NRXN1: variants seen among roughly 807,000 people sequenced by gnomAD.
NRXN1 encodes the protein neurexin 1, also known as neurexin-1.
In NRXN1, 39 loss-of-function variants were observed where a neutral mutation model predicts 150.9. The observed-to-expected ratio is 0.26, with a 90% CI of 0.20 to 0.34. The LOEUF is 0.34. Among genes scored for constraint, NRXN1 ranks in the 10% least tolerant of loss-of-function variants. NRXN1 has a pLI of 1.00. For missense variants in NRXN1, 1,815 were observed against 1,949.9 expected, an observed-to-expected ratio of 0.93 and a Z score of 1.30; for synonymous variants, 924 against 757.0, an observed-to-expected ratio of 1.22 and a Z score of -3.62.
At chr2:49,988,959 G>A (rs1681435650) in intron 21 of NRXN1, among the ~76,000 whole-genome samples, 1 of 152,136 alleles carries the variant, frequency 6.6e-6, no homozygotes, top group Non-Finnish European at 1.5e-5. Context: ...TCTACCACCT[G>A]TTCATATGCA....
At chr2:50,159,461 G>A (rs1558997966) in intron 18 of NRXN1, among the ~76,000 whole-genome samples, 1 of 152,062 alleles carries the variant, frequency 6.6e-6, no homozygotes, top group Non-Finnish European at 1.5e-5. Context: ...TCTGAAAATA[G>A]AAACCTATTT....
chr2:49,998,896 C>T (rs1216307266), intron 21 of NRXN1, among the ~76,000 whole-genome samples: 1 of 152,074 alleles, frequency 6.6e-6, no homozygotes, highest in Non-Finnish European at 1.5e-5. Context: ...TTACTACTGT[C>T]GTTGTAGTCA....
intron 5 of NRXN1, among the ~76,000 whole-genome samples, chr2:50,819,928 C>T (rs1170744471): frequency 6.6e-6 from 1 of 152,120 alleles, no homozygotes; most frequent in East Asian, 1.9e-4. Flanking sequence ...ATTGTATCAC[C>T]CTGACTTGTC....
intron 2 of NRXN1, among the ~76,000 whole-genome samples, chr2:51,003,378 C>T (rs574260674): frequency 1.8e-4 from 28 of 151,970 alleles, no homozygotes; most frequent in African/African-American, 4.1e-4. Flanking sequence ...TTTTCACATA[C>T]GATTCTAATT....
chr2:50,856,068 A>G (rs1362221136), intron 5 of NRXN1, among the ~76,000 whole-genome samples: 1 of 151,818 alleles, frequency 6.6e-6, no homozygotes, highest in East Asian at 1.9e-4. Context: ...GGTTTCTAAA[A>G]ATGCATTGCA....
intron 17 of NRXN1, among the ~76,000 whole-genome samples, chr2:50,401,561 G>A (rs768714210): frequency 6.6e-6 from 1 of 151,940 alleles, no homozygotes; most frequent in Non-Finnish European, 1.5e-5. Flanking sequence ...GGTACCCTAA[G>A]GGAAGACAGG....
chr2:50,360,532 G>C (rs2079116493), intron 17 of NRXN1, among the ~76,000 whole-genome samples: 1 of 152,176 alleles, frequency 6.6e-6, no homozygotes, highest in South Asian at 2.1e-4. Flanking sequence ...TTACGTAATG[G>C]TAAAGGAATC....
intron 17 of NRXN1, among the ~76,000 whole-genome samples, chr2:50,414,816 T>C (rs906302236): frequency 6.6e-6 from 1 of 152,162 alleles, no homozygotes; most frequent in Admixed American, 6.5e-5. Context: ...TTTTGTCATA[T>C]GAACGTTCGT....
At chr2:50,444,359 T>C (rs542252136) in intron 17 of NRXN1, among the ~76,000 whole-genome samples, 70 of 152,288 alleles carry the variant, frequency 4.6e-4, no homozygotes, top group Non-Finnish European at 7.9e-4. Flanking sequence ...TCCCTGGTTG[T>C]GATTAGCCTC....
chr2:50,540,606 A>C (rs2093366418), intron 9 of NRXN1, among the ~76,000 whole-genome samples: 1 of 152,090 alleles, frequency 6.6e-6, no homozygotes, highest in South Asian at 2.1e-4. Context: ...ACACTTTAAA[A>C]AGCACATATT....
At chr2:50,872,860 T>G (rs1677996013) in intron 5 of NRXN1, among the ~76,000 whole-genome samples, 2 of 151,700 alleles carry the variant, frequency 1.3e-5, no homozygotes, top group Non-Finnish European at 2.9e-5. Flanking sequence ...CCTAGCTACA[T>G]GTAGTGAAGA....
intron 17 of NRXN1, among the ~76,000 whole-genome samples, chr2:50,447,734 A>G (rs2086559521): frequency 1.7e-5 from 1 of 58,902 alleles, no homozygotes; most frequent in African/African-American, 1.4e-4. Context: ...AAGCAGGGGA[A>G]CGTTATATAT....
intron 17 of NRXN1, among the ~76,000 whole-genome samples, chr2:50,272,670 T>A (rs1451062437): frequency 6.6e-6 from 1 of 152,088 alleles, no homozygotes; most frequent in East Asian, 1.9e-4. Context: ...CTCCAACAGT[T>A]AATTCTTCCT....
At chr2:51,015,131 A>C (rs1318264567) in intron 2 of NRXN1, among the ~76,000 whole-genome samples, 2 of 151,950 alleles carry the variant, frequency 1.3e-5, no homozygotes, top group Non-Finnish European at 2.9e-5. Context: ...AACAGTTCTC[A>C]ATGTCCTCAT....
chr2:50,014,167 T>C lies in NRXN1; in HGVS notation c.4128+39104A>G, dbSNP rs188008054. Among the ~76,000 whole-genome samples, 60 of 151,872 alleles carry C rather than the reference T, an allele frequency of 4.0e-4. 1 individual carries two copies. The East Asian group carries it at 6.0e-3, about 15-fold the overall frequency. ...AGAGAGGGGATTATAGCAGAGCGAA[T>C]AGTGTTGAAGTCTTGGTGGGGACAT... On this transcript the variant is annotated intron_variant, in intron 21 of 22. Coordinates refer to ENST00000401669, the MANE Select transcript of NRXN1 (RefSeq NM_001330078.2).
intron 17 of NRXN1, among the ~76,000 whole-genome samples, chr2:50,439,573 G>A (rs1219269664): frequency 3.3e-5 from 5 of 152,230 alleles, no homozygotes; most frequent in South Asian, 2.1e-4. Flanking sequence ...CTGGGAGGCC[G>A]AGGCGGGTGG....
intron 18 of NRXN1, among the ~76,000 whole-genome samples, chr2:50,131,920 G>A (rs1705560801): frequency 6.6e-6 from 1 of 152,066 alleles, no homozygotes; most frequent in South Asian, 2.1e-4. Flanking sequence ...CAGCTCTATT[G>A]AACAAGTATG....
At chr2:50,864,793 T>C (rs186379241) in intron 5 of NRXN1, among the ~76,000 whole-genome samples, 1 of 152,112 alleles carries the variant, frequency 6.6e-6, no homozygotes, top group East Asian at 1.9e-4. Flanking sequence ...TGGTTTTTGA[T>C]GAGTGCACTG....
chr2:49,948,799 T>C (rs1209924124), intron 21 of NRXN1, among the ~76,000 whole-genome samples: 2 of 151,948 alleles, frequency 1.3e-5, no homozygotes, highest in Non-Finnish European at 2.9e-5. Context: ...CCCTGATGTT[T>C]ATAACCTTTT....
Sources: gnomAD v4.1 joint callset for allele counts (sites outside exome capture counted in the v4.1 genomes callset) on GRCh38, gnomAD v4.1.1 for gene constraint, MANE v1.5 for transcripts, NCBI Gene and HGNC (gene_info 2026-07-23, HGNC 2026-07-21) for gene names.